The following UGT2A2 variants were observed in gnomAD, a reference collection of about 807,000 sequenced individuals.
UGT2A2 encodes UDP glucuronosyltransferase family 2 member A2.
In UGT2A2, 60 loss-of-function variants were observed where a neutral mutation model predicts 50.7. The observed-to-expected ratio is 1.18, with a 90% CI of 0.96 to 1.47. UGT2A2 has a LOEUF of 1.47. UGT2A2 is among the 40% of genes most tolerant of loss of function. The probability of loss-of-function intolerance (pLI) is 0.00; values close to 1 mark genes in which losing one functional copy is unlikely to be tolerated. For synonymous variants in UGT2A2, 242 were observed against 214.6 expected, an observed-to-expected ratio of 1.13 and a Z score of -1.11; for missense variants, 762 against 634.0, an observed-to-expected ratio of 1.20 and a Z score of -2.17.
chr4:69,630,055 C>T (rs1012574165), intron 1 of UGT2A2, among the ~76,000 whole-genome samples: 3 of 151,700 alleles, frequency 2.0e-5, no homozygotes, highest in East Asian at 1.9e-4. Flanking sequence ...CATATTTAAA[C>T]GTGACTTTAA....
intron 1 of UGT2A2, among the ~76,000 whole-genome samples, chr4:69,612,063 A>G (rs1260030875): frequency 2.0e-5 from 3 of 152,122 alleles, no homozygotes; most frequent in Admixed American, 6.6e-5. Context: ...TCAAGCTAGA[A>G]AAGCATCTTG....
In UGT2A2 at chr4:69,632,675, G is replaced by T. The variant is rs544456641; in HGVS notation, c.742+6224C>A. On this transcript the variant is annotated intron_variant, in intron 1 of 5. Coordinates refer to ENST00000604629, the MANE Select transcript of UGT2A2 (RefSeq NM_001105677.2). ...GAGGCAGAGGCGGGCAGATCACAAA[G>T]TCAAGAGTTTGAGACCTGCCTGGCC... Among the ~76,000 whole-genome samples, 204 of 152,054 alleles carry T rather than the reference G, an allele frequency of 1.3e-3. 1 individual carries two copies. Among genetic ancestry groups the T allele is most frequent in the African/African-American group, 4.7e-3 (196 of 41,474 alleles).
At chr4:69,622,408 A>G (rs1720805462) in intron 1 of UGT2A2, among the ~76,000 whole-genome samples, 1 of 151,764 alleles carries the variant, frequency 6.6e-6, no homozygotes, top group African/African-American at 2.4e-5. Flanking sequence ...TATTTAATTA[A>G]TTATCTGAAA....
intron 1 of UGT2A2, among the ~76,000 whole-genome samples, chr4:69,625,868 A>G (rs1358406246): frequency 6.6e-6 from 1 of 151,560 alleles, no homozygotes; most frequent in Non-Finnish European, 1.5e-5. Context: ...ACAAAATTCA[A>G]TAGCATTCTT....
intron 1 of UGT2A2, among the ~76,000 whole-genome samples, chr4:69,630,578 G>T (rs1485636329): frequency 6.6e-6 from 1 of 152,010 alleles, no homozygotes; most frequent in Non-Finnish European, 1.5e-5. Flanking sequence ...AAGTAGAAAA[G>T]GGTCATAAAC....
chr4:69,596,297 C>A lies in UGT2A2; in HGVS notation c.976G>T (p.Glu326Ter), dbSNP rs1718926972. The A allele has an allele frequency of 6.2e-7, 1 of 1,607,400 alleles. No homozygotes were observed. The change falls in exon 3 of 6, where the codon GAA (glutamate) becomes TAA (stop). Residue 326 changes from glutamate (E) to a stop codon, truncating the protein, a stop_gained. Coordinates refer to ENST00000604629, the MANE Select transcript of UGT2A2 (RefSeq NM_001105677.2). LOFTEE classifies it high-confidence loss of function. ...GCTGAGGCAATAAGATTGGCCTTTT[C>A]TTCTGTAAGGTTTTTGACCATTGAT... The part of the protein sequence containing the change: ...LGSMVKNLTE[E>*]KANLIASALA...
At chr4:69,611,131 G>GT (rs1489536029) in intron 1 of UGT2A2, among the ~76,000 whole-genome samples, 2 of 151,440 alleles carry the variant, frequency 1.3e-5, no homozygotes, top group Non-Finnish European at 2.9e-5. Context: ...GAAATCTACT[G>GT]TTTTTTGGGT....
At position 69,589,366 on chromosome 4, in the gene UGT2A2, C is replaced by T; in HGVS notation, c.*6G>A. The T allele has an allele frequency of 6.2e-7, 1 of 1,603,914 alleles. No individual in the cohort carries two copies. Among genetic ancestry groups the T allele is most frequent in the Non-Finnish European group, 8.5e-7 (1 of 1,175,504 alleles). ...AAAAATATATATATTTCCTCTTTTT[C>T]TTGACCTATTCTCTTTTTTTCTTCT... On this transcript the variant is annotated 3_prime_UTR_variant, in exon 6 of 6. Transcript: ENST00000604629.
At chr4:69,618,502 C>G (rs1418637169) in intron 1 of UGT2A2, among the ~76,000 whole-genome samples, 2 of 151,668 alleles carry the variant, frequency 1.3e-5, no homozygotes, top group African/African-American at 4.8e-5. Context: ...TTTCTGCTGC[C>G]AAAAATAAAT....
At chr4:69,590,155 T>C (rs528878778) in intron 5 of UGT2A2, among the ~76,000 whole-genome samples, 51 of 152,348 alleles carry the variant, frequency 3.3e-4, no homozygotes, top group African/African-American at 1.2e-3. Context: ...CACACATCTG[T>C]ATGTTTGTGA....
intron 1 of UGT2A2, among the ~76,000 whole-genome samples, chr4:69,613,788 A>C (rs1346993409): frequency 6.6e-6 from 1 of 152,068 alleles, no homozygotes; most frequent in Admixed American, 6.6e-5. Context: ...TTCATGATTA[A>C]AAACTCTCAA....
At chr4:69,635,986 T>A (rs1721682841) in intron 1 of UGT2A2, among the ~76,000 whole-genome samples, 1 of 152,102 alleles carries the variant, frequency 6.6e-6, no homozygotes, top group Non-Finnish European at 1.5e-5. Context: ...ATATCCCTGT[T>A]CCCTTAGCTA....
At chr4:69,636,897 C>T (rs1343222259) in intron 1 of UGT2A2, among the ~76,000 whole-genome samples, 1 of 152,134 alleles carries the variant, frequency 6.6e-6, no homozygotes, top group Non-Finnish European at 1.5e-5. Flanking sequence ...AGTTACTTGT[C>T]TGAGATCCCA....
chr4:69,610,352 G>A, intron 1 of UGT2A2, among the ~76,000 whole-genome samples: 1 of 151,948 alleles, frequency 6.6e-6, no homozygotes, highest in East Asian at 1.9e-4. Context: ...CTGGGGCAGG[G>A]TACAAATCAT....
At position 69,639,161 on chromosome 4, in the gene UGT2A2, T is replaced by A; in HGVS notation, c.480A>T (p.Pro160=). 1 of 1,613,728 alleles carries A rather than the reference T, an allele frequency of 6.2e-7. No individual in the cohort carries two copies. The highest frequency in any genetic ancestry group is 8.5e-7 in the Non-Finnish European group (1 of 1,179,752). The stretch of plus-strand genomic sequence containing the variant: ...CAACAAGATCACCACAGATTGTTAC[T>A]GGGTCTGCTACCAACACATCAAAAC... ...KGGFDVLVAD[P]VTICGDLVAL... The change falls in exon 1 of 6, where the codon CCA becomes CCT. Residue 160 remains proline, a synonymous_variant. Coordinates refer to ENST00000604629, the MANE Select transcript of UGT2A2 (RefSeq NM_001105677.2).
chr4:69,600,095 C>T (rs1476425435), intron 1 of UGT2A2, among the ~76,000 whole-genome samples: 2 of 152,140 alleles, frequency 1.3e-5, no homozygotes, highest in African/African-American at 4.8e-5. Flanking sequence ...TGGTGGGCAG[C>T]AGCCTATCCT....
intron 1 of UGT2A2, 56 bp from the exon 2 acceptor site, chr4:69,599,450 AG>A: frequency 6.3e-7 from 1 of 1,582,332 alleles, no homozygotes. Flanking sequence ...TTTGCTGAGG[AG>A]AAAAAAAAGC....
At chr4:69,635,559 G>A (rs143614125) in intron 1 of UGT2A2, 195 of 162,378 alleles carry the variant, frequency 1.2e-3, no homozygotes, top group Admixed American at 3.3e-3. Context: ...GCTGGGTGAT[G>A]TGGCTCAAGC....
intron 1 of UGT2A2, among the ~76,000 whole-genome samples, chr4:69,634,869 A>G (rs1270175936): frequency 1.3e-5 from 2 of 152,156 alleles, no homozygotes; most frequent in African/African-American, 4.8e-5. Flanking sequence ...CAAAATGCCC[A>G]TTACCCTCAT....
Sources: allele counts gnomAD v4.1 joint callset (sites outside exome capture counted in the v4.1 genomes callset), GRCh38; gene constraint gnomAD v4.1.1; transcripts MANE v1.5; gene names NCBI Gene and HGNC (gene_info 2026-07-23, HGNC 2026-07-21).